Variants in TMEM209 observed in about 807,000 individuals in gnomAD.
TMEM209 encodes the protein transmembrane protein 209.
A neutral mutation model predicts 76.2 loss-of-function variants in TMEM209; 65 were observed. That is an observed-to-expected ratio of 0.85 (90% CI 0.70 to 1.05). The LOEUF (loss-of-function observed/expected upper bound fraction) is 1.05, where lower values mean the gene tolerates loss of function less well. Ranked by LOEUF, TMEM209 falls within the 50% of genes least tolerant of loss-of-function variation. The probability of loss-of-function intolerance (pLI) is 0.00; values close to 1 mark genes in which losing one functional copy is unlikely to be tolerated. For synonymous variants in TMEM209, 239 were observed against 237.6 expected (o/e 1.01, Z -0.06); for missense variants, 623 against 685.5 (o/e 0.91, Z 1.02).
chr7:130,205,191 TCCCCGG>T, intron 1 of TMEM209, 176 bp downstream of exon 1: 1 of 1,524,974 alleles, frequency 6.6e-7, no homozygotes, highest in Admixed American at 2.0e-5. Context: ...AGAGCTTCCC[TCCCCGG>T]CTCCTGGGCA....
chr7:130,168,011 T>C (rs1368908301), intron 14 of TMEM209, among the ~76,000 whole-genome samples: 1 of 152,198 alleles, frequency 6.6e-6, no homozygotes, highest in Non-Finnish European at 1.5e-5. Context: ...TATAGCGCTT[T>C]AAAAATTGTA....
chr7:130,199,284 C>G (rs1000199900), intron 5 of TMEM209, among the ~76,000 whole-genome samples: 1 of 151,878 alleles, frequency 6.6e-6, no homozygotes, highest in Non-Finnish European at 1.5e-5. Context: ...AGCGAGCCAT[C>G]TCGGCTCACT....
At position 130,202,676 on chromosome 7, in the gene TMEM209, A is replaced by C; in HGVS notation, c.200-13T>G. The C allele has an allele frequency of 6.2e-7, 1 of 1,607,936 alleles. No individual in the cohort carries two copies. The highest frequency in any genetic ancestry group is 8.5e-7 in the Non-Finnish European group (1 of 1,177,508). On this transcript the variant is annotated splice_polypyrimidine_tract_variant and intron_variant, in intron 3 of 14. Coordinates refer to ENST00000397622, the MANE Select transcript of TMEM209 (RefSeq NM_032842.4). ...GCAAGGGCAAGCTCTGGAAGAGAAC[A>C]ATTTTTTTTTAATAAGGGGGGTGAG...
chr7:130,181,647 C>A lies in TMEM209; in HGVS notation c.1096G>T (p.Gly366Cys), dbSNP rs1174392959. The A allele has an allele frequency of 1.2e-6, 2 of 1,612,254 alleles. No individual in the cohort carries two copies. The highest frequency in any genetic ancestry group is 1.7e-6 in the Non-Finnish European group (2 of 1,179,286). Reference protein sequence around the residue: ...ESVSTQMRRMGCPELQIGEAS... With the variant: ...ESVSTQMRRMCCPELQIGEAS... ...CCTCCTATCTGTAGCTCTGGACAAC[C>A]CATTCGTCTCATCTGTGTGCTGACA... The change falls in exon 9 of 15, where the codon GGT becomes TGT. Residue 366 changes from glycine (G) to cysteine (C), a missense_variant. Gly to Cys is a radical substitution (Grantham distance 159). Transcript: ENST00000397622.
intron 11 of TMEM209, among the ~76,000 whole-genome samples, chr7:130,174,152 TC>T (rs1218201091): frequency 8.5e-5 from 13 of 152,214 alleles, no homozygotes; most frequent in Non-Finnish European, 1.8e-4. Context: ...GCACACCTAT[TC>T]TTTTAACTGA....
chr7:130,192,745 G>C lies in TMEM209; in HGVS notation c.652C>G (p.Arg218Gly), dbSNP rs756727957. Reference protein sequence around the residue: ...GPVESSGLRSRYRSSPTVYNS... With the variant: ...GPVESSGLRSGYRSSPTVYNS... ...TAGACGGTAGGTGAAGAACGGTAGC[G>C]AGATCTCAATCCACTGCTCTCCACT... is the stretch of plus-strand genomic sequence containing the variant. Residue 218 changes from arginine to glycine, a missense_variant, in exon 6 of 15, where the codon CGC becomes GGC. By Grantham distance (125) the Arg-to-Gly change is moderately radical. Transcript: ENST00000397622. The C allele has an allele frequency of 6.2e-6, 10 of 1,613,920 alleles. No homozygotes were observed. In the South Asian group the frequency reaches 1.1e-4, roughly 18 times the overall value.
At chr7:130,185,159 A>G in intron 7 of TMEM209, 33 bp downstream of exon 7, 1 of 1,585,952 alleles carries the variant, frequency 6.3e-7, no homozygotes, top group Non-Finnish European at 8.6e-7. Context: ...TGCATAAATC[A>G]TAAATATTAA....
chr7:130,194,068 G>A (rs1345960094), intron 5 of TMEM209, among the ~76,000 whole-genome samples: 5 of 151,738 alleles, frequency 3.3e-5, no homozygotes, highest in Non-Finnish European at 7.4e-5. Context: ...GTGTGGTGGC[G>A]GGCACCTGTA....
chr7:130,188,168 A>G (rs887158534), intron 6 of TMEM209, among the ~76,000 whole-genome samples: 2 of 152,256 alleles, frequency 1.3e-5, no homozygotes, highest in African/African-American at 2.4e-5. Context: ...GTTAAATAAC[A>G]GTTTAGACAT....
intron 5 of TMEM209, among the ~76,000 whole-genome samples, chr7:130,198,608 T>C (rs913656899): frequency 6.6e-6 from 1 of 152,048 alleles, no homozygotes; most frequent in South Asian, 2.1e-4. Context: ...TGAAACTCTG[T>C]CTCAAAAAAA....
At chr7:130,193,818 G>A (rs1289298777) in intron 5 of TMEM209, among the ~76,000 whole-genome samples, 2 of 152,098 alleles carry the variant, frequency 1.3e-5, no homozygotes, top group African/African-American at 4.8e-5. Context: ...CCCATAGAAC[G>A]TACAACACCA....
intron 6 of TMEM209, among the ~76,000 whole-genome samples, chr7:130,189,620 G>C (rs924030244): frequency 6.6e-6 from 1 of 152,216 alleles, no homozygotes; most frequent in African/African-American, 2.4e-5. Flanking sequence ...GTGCATGAGA[G>C]AGAGAATATG....
At position 130,178,357 on chromosome 7, in the gene TMEM209, A is replaced by G. The variant is rs1191197441; in HGVS notation, c.1246+45T>C. Reference sequence around the variant, plus strand: ...TAATCTTCACTGATAAAATTCCAGCATAGTAAAAAAGCTCTTATTTTTTTC... The same window carrying G: ...TAATCTTCACTGATAAAATTCCAGCGTAGTAAAAAAGCTCTTATTTTTTTC... On this transcript the variant is annotated intron_variant, in intron 10 of 14. Transcript: ENST00000397622. 8 of 1,522,758 alleles carry G rather than the reference A, an allele frequency of 5.3e-6. No homozygotes were observed. In the Admixed American group the frequency reaches 1.5e-4, roughly 28 times the overall value. 94.3% of individuals were successfully genotyped at this position (1,522,758 alleles called of 1,614,324 possible).
intron 6 of TMEM209, among the ~76,000 whole-genome samples, chr7:130,189,774 T>G (rs1797730228): frequency 6.6e-6 from 1 of 152,226 alleles, no homozygotes; most frequent in Non-Finnish European, 1.5e-5. Flanking sequence ...TATAGATGTG[T>G]GTGTGTACAT....
intron 6 of TMEM209, among the ~76,000 whole-genome samples, chr7:130,186,011 T>C (rs775000637): frequency 1.3e-5 from 2 of 152,360 alleles, no homozygotes; most frequent in Non-Finnish European, 1.5e-5. Flanking sequence ...TTATAGTTTT[T>C]GTCTGTTTTC....
Position 130,181,723 on chromosome 7 carries a change from GAAGA to G in TMEM209, c.1024-8_1024-5del. On this transcript the variant is annotated splice_region_variant and splice_polypyrimidine_tract_variant and intron_variant, in intron 8 of 14. Coordinates refer to ENST00000397622, the MANE Select transcript of TMEM209 (RefSeq NM_032842.4). Reference sequence around the variant, plus strand: ...CTAATATTGTCTCATTGATCCACTAGAAGAAATAAGGTACAGATTTTGGATACAT... The same window carrying G: ...CTAATATTGTCTCATTGATCCACTAGAATAAGGTACAGATTTTGGATACAT... The G allele has an allele frequency of 1.3e-6, 2 of 1,599,728 alleles. No individual in the cohort carries two copies. The highest frequency in any genetic ancestry group is 1.1e-5 in the South Asian group (1 of 88,430).
At chr7:130,188,635 T>C (rs906506793) in intron 6 of TMEM209, among the ~76,000 whole-genome samples, 4 of 150,592 alleles carry the variant, frequency 2.7e-5, no homozygotes, top group Admixed American at 2.6e-4. Context: ...ATCTCTACTT[T>C]ATAATCACCA....
intron 10 of TMEM209, among the ~76,000 whole-genome samples, chr7:130,177,989 T>C (rs1175743981): frequency 6.6e-6 from 1 of 152,018 alleles, no homozygotes; most frequent in Non-Finnish European, 1.5e-5. Context: ...GCACAGAGGG[T>C]GTATGGGGGT....
chr7:130,204,198 C>A, intron 1 of TMEM209, 88 bp from the exon 2 acceptor site: 1 of 1,387,120 alleles, frequency 7.2e-7, no homozygotes, highest in South Asian at 1.4e-5. Flanking sequence ...ATAAAGGTAA[C>A]TGAAACCGCA....
Sources: gnomAD v4.1 joint callset for allele counts (sites outside exome capture counted in the v4.1 genomes callset) on GRCh38, gnomAD v4.1.1 for gene constraint, MANE v1.5 for transcripts, NCBI Gene and HGNC (gene_info 2026-07-23, HGNC 2026-07-21) for gene names.